CDH1: variants seen among roughly 807,000 people sequenced by gnomAD.
CDH1 encodes cadherin 1, also known as cadherin-1.
Under a neutral mutation model 84.5 loss-of-function variants are expected in CDH1, and 35 were observed. The observed-to-expected ratio is 0.41, with a 90% confidence interval of 0.32 to 0.55. The LOEUF (loss-of-function observed/expected upper bound fraction) is 0.55, where lower values mean the gene tolerates loss of function less well. CDH1 is among the 20% of genes least tolerant of loss of function. The pLI is 0.19. For synonymous variants in CDH1, 417 were observed against 439.0 expected (o/e 0.95, Z 0.63); for missense variants, 994 against 1,126.6 (o/e 0.88, Z 1.68).
chr16:68,824,495 C>T (rs1178350181), intron 13 of CDH1, among the ~76,000 whole-genome samples: 1 of 152,140 alleles, frequency 6.6e-6, no homozygotes, highest in African/African-American at 2.4e-5. Context: ...CTGGAAGTTG[C>T]ATATATCACC....
intron 2 of CDH1, among the ~76,000 whole-genome samples, chr16:68,783,861 G>C (rs535746699): frequency 6.6e-6 from 1 of 152,128 alleles, no homozygotes; most frequent in East Asian, 1.9e-4. Flanking sequence ...ATTTTTAGTA[G>C]AGATGGAGTT....
At chr16:68,791,142 G>C (rs560098292) in intron 2 of CDH1, among the ~76,000 whole-genome samples, 1 of 152,242 alleles carries the variant, frequency 6.6e-6, no homozygotes, top group East Asian at 1.9e-4. Flanking sequence ...TTCAGTACTA[G>C]AACAGGCTGC....
chr16:68,819,939 C>G (rs1286345658), intron 11 of CDH1, among the ~76,000 whole-genome samples: 3 of 152,166 alleles, frequency 2.0e-5, no homozygotes, highest in Non-Finnish European at 2.9e-5. Context: ...TGACTCACAC[C>G]TGTAATCCCA....
chr16:68,749,029 G>C (rs1459021941), intron 2 of CDH1, among the ~76,000 whole-genome samples: 1 of 152,156 alleles, frequency 6.6e-6, no homozygotes, highest in Non-Finnish European at 1.5e-5. Flanking sequence ...ATAGAGACGG[G>C]ATTTCATCAG....
At chr16:68,818,045 C>T (rs1596958545) in intron 10 of CDH1, among the ~76,000 whole-genome samples, 1 of 151,868 alleles carries the variant, frequency 6.6e-6, no homozygotes, top group East Asian at 1.9e-4. Flanking sequence ...TCGAGACTAT[C>T]CTGGCTAACA....
chr16:68,777,861 A>T (rs1597868186), intron 2 of CDH1, among the ~76,000 whole-genome samples: 1 of 151,810 alleles, frequency 6.6e-6, no homozygotes, highest in East Asian at 1.9e-4. Flanking sequence ...CCTCCCAAGT[A>T]GCAGGGACTA....
intron 10 of CDH1, among the ~76,000 whole-genome samples, chr16:68,817,387 A>C (rs1340514405): frequency 1.3e-5 from 2 of 152,336 alleles, no homozygotes; most frequent in Non-Finnish European, 2.9e-5. Flanking sequence ...AAAATAAATA[A>C]GGATTATAGT....
rs923072635 is a variant in CDH1, at chr16:68,835,282, T to G, written c.*1783T>G. ...AGAAAAGACTTTTGTTGAAATAGCT[T>G]TACTGTTTCTCAAGTGTTTTGGAGA... On this transcript the variant is annotated 3_prime_UTR_variant, in exon 16 of 16. Coordinates refer to ENST00000261769, the MANE Select transcript of CDH1 (RefSeq NM_004360.5). The G allele has an allele frequency of 2.2e-5, 5 of 227,446 alleles. No individual in the cohort carries two copies. Among genetic ancestry groups the G allele is most frequent in the African/African-American group, 1.1e-4 (5 of 44,986 alleles). The allele number at this position is 227,446 out of a possible 1,614,324, so 14.1% of individuals were successfully genotyped here.
At chr16:68,766,075 T>C (rs897029626) in intron 2 of CDH1, among the ~76,000 whole-genome samples, 3 of 152,026 alleles carry the variant, frequency 2.0e-5, no homozygotes, top group African/African-American at 7.2e-5. Flanking sequence ...CTGGCCAACA[T>C]GGTGAAACCC....
intron 2 of CDH1, among the ~76,000 whole-genome samples, chr16:68,775,560 G>T (rs1320286592): frequency 2.0e-5 from 3 of 152,178 alleles, no homozygotes; most frequent in Non-Finnish European, 2.9e-5. Flanking sequence ...TCTAGGAGCA[G>T]TTACACATTT....
chr16:68,788,158 C>G (rs888840896), intron 2 of CDH1, among the ~76,000 whole-genome samples: 2 of 152,090 alleles, frequency 1.3e-5, no homozygotes, highest in African/African-American at 4.8e-5. Flanking sequence ...TATGGCTTCT[C>G]TTCTCTGCAC....
At chr16:68,782,888 A>G (rs777207449) in intron 2 of CDH1, among the ~76,000 whole-genome samples, 13 of 152,016 alleles carry the variant, frequency 8.6e-5, no homozygotes, top group Admixed American at 3.3e-4. Flanking sequence ...AAAAAACAGC[A>G]CTTATCATTG....
rs786203579 is a variant in CDH1, at chr16:68,829,740, C to A, written c.2382C>A (p.Val794=). 2 of 1,613,842 alleles carry A rather than the reference C, an allele frequency of 1.2e-6. No individual in the cohort carries two copies. Among genetic ancestry groups the A allele is most frequent in the African/African-American group, 1.3e-5 (1 of 74,888 alleles). ...ACGTTGCACCAACCCTCATGAGTGT[C>A]CCCCGGTATCTTCCCCGCCCTGCCA... ...RNDVAPTLMS[V]PRYLPRPANP... is the part of the protein sequence containing the mutation. The change falls in exon 15 of 16, where the codon GTC becomes GTA. Residue 794 remains valine (V), a synonymous_variant. Transcript: ENST00000261769.
rs34703363 is a variant in CDH1, at chr16:68,771,750, C to CAA, written c.164-29906_164-29905dup. Among the ~76,000 whole-genome samples the CAA allele has an allele frequency of 4.5e-4, 64 of 140,696 alleles. No individual in the cohort carries two copies. In the East Asian group the frequency reaches 5.5e-3, roughly 12 times the overall value. 92.3% of individuals were successfully genotyped at this position (140,696 alleles called of 152,430 possible). ...CTGGCGACAGAGCAAGACTCCCTCT[C>CAA]AAAAAAAAAAAAAAATTTTTTTTTT... On this transcript the variant is annotated intron_variant, in intron 2 of 15. Transcript: ENST00000261769.
At chr16:68,818,849 C>CAAAAA (rs758115524) in intron 10 of CDH1, among the ~76,000 whole-genome samples, 22 of 72,386 alleles carry the variant, frequency 3.0e-4, no homozygotes, top group African/African-American at 4.1e-4. Context: ...GACTCCGTCT[C>CAAAAA]AAAAAAAAAA....
chr16:68,823,866 C>T (rs1961244767), intron 13 of CDH1, among the ~76,000 whole-genome samples: 1 of 152,078 alleles, frequency 6.6e-6, no homozygotes, highest in African/African-American at 2.4e-5. Flanking sequence ...TTTCTTCTAC[C>T]TTGTCTCTTT....
intron 14 of CDH1, 120 bp downstream of exon 14, chr16:68,828,424 C>A: frequency 1.0e-6 from 1 of 982,168 alleles, no homozygotes; most frequent in Non-Finnish European, 1.6e-6. Context: ...CTTTTTAAGG[C>A]CTTACCCAAG....
chr16:68,767,624 G>A (rs889039152), intron 2 of CDH1, among the ~76,000 whole-genome samples: 3 of 152,156 alleles, frequency 2.0e-5, no homozygotes, highest in Non-Finnish European at 4.4e-5. Flanking sequence ...TCTCTTGTCT[G>A]TATCTTGGTC....
chr16:68,762,577 A>G (rs530479498), intron 2 of CDH1, among the ~76,000 whole-genome samples: 107 of 152,186 alleles, frequency 7.0e-4, no homozygotes, highest in Middle Eastern at 6.8e-3. Flanking sequence ...AAAACTTTCA[A>G]TCACATTTTG....
Sources: gnomAD v4.1 joint callset for allele counts (sites outside exome capture counted in the v4.1 genomes callset) on GRCh38, gnomAD v4.1.1 for gene constraint, MANE v1.5 for transcripts, NCBI Gene and HGNC (gene_info 2026-07-23, HGNC 2026-07-21) for gene names.